Variants in ZRANB3 observed in about 807,000 individuals in gnomAD.
ZRANB3 encodes zinc finger RANBP2-type containing 3.
Under a neutral mutation model 133.8 loss-of-function variants are expected in ZRANB3, and 125 were observed. The observed-to-expected ratio is 0.93, with a 90% CI of 0.81 to 1.08. The LOEUF (loss-of-function observed/expected upper bound fraction) is 1.08, where lower values mean the gene tolerates loss of function less well. Among genes scored for constraint, ZRANB3 ranks in the 50% least tolerant of loss-of-function variants. ZRANB3 has a pLI of 0.00. For missense variants in ZRANB3, 1,229 were observed against 1,275.5 expected (o/e 0.96, Z 0.56); for synonymous variants, 387 against 432.7 (o/e 0.89, Z 1.31).
intron 2 of ZRANB3, among the ~76,000 whole-genome samples, chr2:135,432,217 T>C (rs1174920895): frequency 1.3e-5 from 2 of 152,048 alleles, no homozygotes; most frequent in African/African-American, 4.8e-5. Flanking sequence ...GCCATTGAAC[T>C]CCAGCCTGGG....
intron 2 of ZRANB3, among the ~76,000 whole-genome samples, chr2:135,426,864 ATATATATATATATATATATATATATAT>A (rs1170148110): frequency 4.4e-4 from 2 of 4,574 alleles, no homozygotes; most frequent in African/African-American, 2.1e-3. Context: ...AAAAAAAAAA[ATATATATATATATATATATATATATAT>A]ATATATATAT....
chr2:135,235,581 T>A (rs1318984601), intron 12 of ZRANB3, among the ~76,000 whole-genome samples: 3 of 151,750 alleles, frequency 2.0e-5, no homozygotes, highest in African/African-American at 7.3e-5. Context: ...TCAAAAAGCT[T>A]ATCCACCATG....
At chr2:135,230,435 A>G (rs1012419214) in intron 13 of ZRANB3, 78 bp downstream of exon 13, 1 of 1,330,312 alleles carries the variant, frequency 7.5e-7, no homozygotes, top group Admixed American at 2.8e-5. Flanking sequence ...CCTGGATAAC[A>G]GCAGTCTCTA....
At chr2:135,304,662 T>A (rs779622297) in intron 8 of ZRANB3, among the ~76,000 whole-genome samples, 1 of 152,116 alleles carries the variant, frequency 6.6e-6, no homozygotes, top group East Asian at 1.9e-4. Context: ...AGTGAAACCA[T>A]TGAGGCCTCA....
intron 8 of ZRANB3, among the ~76,000 whole-genome samples, chr2:135,284,746 C>T (rs1263437489): frequency 6.6e-6 from 1 of 152,210 alleles, no homozygotes; most frequent in South Asian, 2.1e-4. Flanking sequence ...GCTGGGATTA[C>T]AGGCGTGAGC....
At chr2:135,435,863 T>G (rs947639073) in intron 2 of ZRANB3, among the ~76,000 whole-genome samples, 1 of 152,166 alleles carries the variant, frequency 6.6e-6, no homozygotes, top group Non-Finnish European at 1.5e-5. Flanking sequence ...TTTTTTAAAT[T>G]TCCTTATACA....
intron 10 of ZRANB3, among the ~76,000 whole-genome samples, chr2:135,270,742 T>C (rs1357956218): frequency 1.3e-5 from 2 of 152,202 alleles, no homozygotes; most frequent in African/African-American, 2.4e-5. Context: ...TCTCTGTATA[T>C]AATTTTATAT....
intron 2 of ZRANB3, among the ~76,000 whole-genome samples, chr2:135,414,912 C>A (rs372057354): frequency 2.6e-5 from 4 of 151,946 alleles, no homozygotes; most frequent in Non-Finnish European, 5.9e-5. Flanking sequence ...CCAACGGGAA[C>A]AAAGACACAA....
intron 2 of ZRANB3, among the ~76,000 whole-genome samples, chr2:135,482,096 C>T (rs7573419): frequency 0.069 from 8,914 of 129,864 alleles, 418 homozygotes; most frequent in South Asian, 0.22. Flanking sequence ...CTTGGCGATG[C>T]GGGCTCTTTT....
At chr2:135,284,075 G>A (rs1454311232) in intron 8 of ZRANB3, among the ~76,000 whole-genome samples, 1 of 152,194 alleles carries the variant, frequency 6.6e-6, no homozygotes, top group South Asian at 2.1e-4. Flanking sequence ...GTTGAATGAT[G>A]GCTAAGCACA....
chr2:135,355,975 T>G (rs1685412345), intron 3 of ZRANB3, among the ~76,000 whole-genome samples: 2 of 152,172 alleles, frequency 1.3e-5, no homozygotes, highest in South Asian at 4.1e-4. Context: ...ATTTACTTGG[T>G]GCCAGTCACC....
chr2:135,422,547 G>C (rs1409139776), intron 2 of ZRANB3, among the ~76,000 whole-genome samples: 2 of 152,098 alleles, frequency 1.3e-5, no homozygotes, highest in Non-Finnish European at 2.9e-5. Flanking sequence ...AAAAAAGCAA[G>C]TAAATTCCAG....
chr2:135,362,286 C>A (rs1452600466), intron 3 of ZRANB3, among the ~76,000 whole-genome samples: 1 of 152,018 alleles, frequency 6.6e-6, no homozygotes, highest in Non-Finnish European at 1.5e-5. Flanking sequence ...GAGAACAGAC[C>A]ATATGGGTAT....
chr2:135,393,116 C>A (rs1260894980), intron 2 of ZRANB3, among the ~76,000 whole-genome samples: 1 of 152,076 alleles, frequency 6.6e-6, no homozygotes, highest in Admixed American at 6.6e-5. Context: ...GATCCACCCA[C>A]CTAGGCCTCC....
At chr2:135,384,883 TATC>T (rs1686891481) in intron 3 of ZRANB3, among the ~76,000 whole-genome samples, 1 of 152,178 alleles carries the variant, frequency 6.6e-6, no homozygotes, top group African/African-American at 2.4e-5. Flanking sequence ...TCACAGCCAA[TATC>T]ATACTGAATG....
intron 2 of ZRANB3, among the ~76,000 whole-genome samples, chr2:135,503,549 G>T (rs1172360468): frequency 6.6e-6 from 1 of 152,122 alleles, no homozygotes; most frequent in Non-Finnish European, 1.5e-5. Context: ...CAATTTGATG[G>T]AAGAGATCAT....
chr2:135,246,709 CAGTTATT>C (rs1695818313), intron 12 of ZRANB3, among the ~76,000 whole-genome samples: 1 of 152,150 alleles, frequency 6.6e-6, no homozygotes, highest in Non-Finnish European at 1.5e-5. Context: ...AGCTGAAACT[CAGTTATT>C]ATGTTCCTGT....
intron 19 of ZRANB3, among the ~76,000 whole-genome samples, chr2:135,205,260 A>C (rs1693811863): frequency 6.6e-6 from 1 of 152,168 alleles, no homozygotes; most frequent in African/African-American, 2.4e-5. Flanking sequence ...TTTTAAATTA[A>C]GCACATTACA....
intron 14 of ZRANB3, among the ~76,000 whole-genome samples, chr2:135,226,005 T>C (rs1558842221): frequency 6.6e-6 from 1 of 152,282 alleles, no homozygotes; most frequent in East Asian, 1.9e-4. Flanking sequence ...GAAAGAAATG[T>C]CCAAGCAACA....
Sources: allele counts gnomAD v4.1 joint callset (sites outside exome capture counted in the v4.1 genomes callset), GRCh38; gene constraint gnomAD v4.1.1; transcripts MANE v1.5; gene names NCBI Gene and HGNC (gene_info 2026-07-23, HGNC 2026-07-21).